Variants in ARB2A observed in about 807,000 individuals in gnomAD.
ARB2A encodes the protein ARB2 cotranscriptional regulator A.
the ARB2A span, among the ~76,000 whole-genome samples, chr5:93,897,216 A>G: frequency 1.3e-5 from 2 of 152,036 alleles, no homozygotes; most frequent in Admixed American, 1.3e-4. Context: ...TACTCCTGCC[A>G]TGCTTTTTGT....
chr5:93,865,430 T>A, the ARB2A span: 4 of 985,388 alleles, frequency 4.1e-6, no homozygotes, highest in Non-Finnish European at 4.8e-6. Flanking sequence ...ATTCTTCTCC[T>A]TTTATCTTTA....
chr5:93,708,472 G>A, the ARB2A span, among the ~76,000 whole-genome samples: 1 of 152,120 alleles, frequency 6.6e-6, no homozygotes, highest in African/African-American at 2.4e-5. Flanking sequence ...AGTGGGGGAT[G>A]GTTTCAGGAT....
At chr5:94,034,929 C>T in the ARB2A span, among the ~76,000 whole-genome samples, 15 of 152,200 alleles carry the variant, frequency 9.9e-5, 1 homozygote, top group East Asian at 1.9e-4. Flanking sequence ...GAACTGTACA[C>T]GCAAGGGATC....
the ARB2A span, among the ~76,000 whole-genome samples, chr5:94,009,079 T>A: frequency 6.6e-6 from 1 of 152,136 alleles, no homozygotes. Flanking sequence ...GTCAGGATCA[T>A]GTATTATGTC....
chr5:93,960,670 A>G, the ARB2A span, among the ~76,000 whole-genome samples: 1 of 152,220 alleles, frequency 6.6e-6, no homozygotes, highest in African/African-American at 2.4e-5. Context: ...TAAATAATGG[A>G]TCCTCTAAAA....
the ARB2A span, among the ~76,000 whole-genome samples, chr5:93,776,620 A>T: frequency 1.3e-5 from 2 of 152,112 alleles, no homozygotes; most frequent in Non-Finnish European, 2.9e-5. Context: ...TCTACTAAAA[A>T]TACAAAAATT....
chr5:93,795,941 A>G, the ARB2A span, among the ~76,000 whole-genome samples: 102 of 152,336 alleles, frequency 6.7e-4, no homozygotes, highest in African/African-American at 2.3e-3. Flanking sequence ...AATGAAATGT[A>G]TATGTCAGAT....
chr5:93,917,649 G>A, the ARB2A span, among the ~76,000 whole-genome samples: 4 of 152,072 alleles, frequency 2.6e-5, no homozygotes, highest in Non-Finnish European at 4.4e-5. Context: ...AGGCAAAGGC[G>A]GGAGGATTGC....
At chr5:94,033,537 G>A in the ARB2A span, among the ~76,000 whole-genome samples, 3 of 152,148 alleles carry the variant, frequency 2.0e-5, no homozygotes, top group African/African-American at 7.2e-5. Flanking sequence ...CAATTCTCCT[G>A]CCTCAGCCTC....
the ARB2A span, among the ~76,000 whole-genome samples, chr5:93,811,057 T>G: frequency 8.5e-5 from 13 of 152,114 alleles, no homozygotes. Flanking sequence ...AGCTATTACT[T>G]CCAGGTGTAA....
chr5:94,027,719 A>G, the ARB2A span, among the ~76,000 whole-genome samples: 2 of 152,156 alleles, frequency 1.3e-5, no homozygotes, highest in Non-Finnish European at 2.9e-5. Flanking sequence ...TATCCTTTAA[A>G]ATATCCTTTG....
At chr5:93,982,838 T>C in the ARB2A span, among the ~76,000 whole-genome samples, 1 of 152,318 alleles carries the variant, frequency 6.6e-6, no homozygotes, top group South Asian at 2.1e-4. Context: ...GCGGATCACC[T>C]GAGTTCAGGA....
At chr5:94,087,321 G>A in the ARB2A span, among the ~76,000 whole-genome samples, 1 of 152,016 alleles carries the variant, frequency 6.6e-6, no homozygotes, top group African/African-American at 2.4e-5. Context: ...GCAGGAGGAT[G>A]GCTTGAGCCC....
At chr5:93,883,259 T>C in the ARB2A span, among the ~76,000 whole-genome samples, 2 of 151,654 alleles carry the variant, frequency 1.3e-5, no homozygotes, top group Admixed American at 1.3e-4. Flanking sequence ...GGAAACTATA[T>C]AATAATATAT....
chr5:94,063,061 G>A, the ARB2A span, among the ~76,000 whole-genome samples: 2 of 152,160 alleles, frequency 1.3e-5, no homozygotes, highest in African/African-American at 2.4e-5. Flanking sequence ...ATAGGGCGGT[G>A]GTGCAGTCAC....
the ARB2A span, among the ~76,000 whole-genome samples, chr5:93,847,329 A>T: frequency 6.6e-6 from 1 of 152,202 alleles, no homozygotes; most frequent in African/African-American, 2.4e-5. Context: ...ATATTTTAGT[A>T]AAATAACAAA....
chr5:93,904,513 A>G, the ARB2A span, among the ~76,000 whole-genome samples: 1 of 151,790 alleles, frequency 6.6e-6, no homozygotes, highest in African/African-American at 2.4e-5. Context: ...ATTAAATGAG[A>G]TTGCTTAAAT....
chr5:93,670,412 G>A, the ARB2A span, among the ~76,000 whole-genome samples: 1 of 152,144 alleles, frequency 6.6e-6, no homozygotes, highest in Non-Finnish European at 1.5e-5. Context: ...ACTCACCTTC[G>A]TTTGTTCCTT....
At chr5:93,971,821 G>T in the ARB2A span, among the ~76,000 whole-genome samples, 1 of 152,058 alleles carries the variant, frequency 6.6e-6, no homozygotes, top group Non-Finnish European at 1.5e-5. Context: ...GCCCCACCAG[G>T]TCTCAGGAGC....
Sources: gnomAD v4.1 joint callset for allele counts (sites outside exome capture counted in the v4.1 genomes callset) on GRCh38, gnomAD v4.1.1 for gene constraint, MANE v1.5 for transcripts, NCBI Gene and HGNC (gene_info 2026-07-23, HGNC 2026-07-21) for gene names.